The following ABR variants were observed in gnomAD, a reference collection of about 807,000 sequenced individuals.
The protein encoded by ABR is ABR activator of RhoGEF and GTPase, also known as active breakpoint cluster region-related protein.
Under a neutral mutation model 107.2 loss-of-function variants are expected in ABR, and 35 were observed. The observed-to-expected ratio is 0.33, with a 90% confidence interval of 0.25 to 0.43. The LOEUF is 0.43. ABR is among the 20% of genes least tolerant of loss of function. The pLI is 1.00. For missense variants in ABR, 815 were observed against 1,115.2 expected (o/e 0.73, Z 3.83); for synonymous variants, 498 against 462.0 (o/e 1.08, Z -1.00).
intron 16 of ABR, among the ~76,000 whole-genome samples, chr17:1,020,373 G>A (rs1284885099): frequency 6.6e-6 from 1 of 152,120 alleles, no homozygotes; most frequent in South Asian, 2.1e-4. Flanking sequence ...GTGAGCCCCT[G>A]CATCCGGCCG....
At chr17:1,026,055 A>G (rs780430873) in intron 16 of ABR, among the ~76,000 whole-genome samples, 4 of 152,226 alleles carry the variant, frequency 2.6e-5, no homozygotes, top group Non-Finnish European at 4.4e-5. Context: ...GCCCTGTGAC[A>G]GACTCTCCCA....
chr17:1,131,175 TC>T (rs1452645038), intron 1 of ABR, among the ~76,000 whole-genome samples: 8 of 91,102 alleles, frequency 8.8e-5, no homozygotes, highest in Non-Finnish European at 1.7e-4. Context: ...CGCGCACAGC[TC>T]CCCCCTTTGC....
chr17:1,030,598 G>A (rs932409701), intron 16 of ABR, among the ~76,000 whole-genome samples: 1 of 152,214 alleles, frequency 6.6e-6, no homozygotes, highest in African/African-American at 2.4e-5. Flanking sequence ...CCTCTGGGAG[G>A]TCAAGTATGC....
chr17:1,057,885 T>C (rs2151077327), intron 12 of ABR, 85 bp downstream of exon 12: 1 of 1,256,168 alleles, frequency 8.0e-7, no homozygotes, highest in Non-Finnish European at 1.2e-6. Flanking sequence ...AAAGACGTGA[T>C]ACTGGACATG....
At chr17:1,197,727 G>A (rs1017616922) in intron 1 of ABR, among the ~76,000 whole-genome samples, 5 of 151,504 alleles carry the variant, frequency 3.3e-5, no homozygotes, top group Non-Finnish European at 5.9e-5. Flanking sequence ...CTGAGTCTTG[G>A]GGAGTGGCTC....
chr17:1,158,127 G>A (rs1457959896), intron 1 of ABR, among the ~76,000 whole-genome samples: 3 of 152,108 alleles, frequency 2.0e-5, no homozygotes, highest in Non-Finnish European at 4.4e-5. Context: ...AGCTTTGACG[G>A]TGCACAGTTT....
chr17:1,067,167 C>A lies in ABR; in HGVS notation c.1092G>T (p.Glu364Asp). 6.2e-7 allele frequency: 1 copy of A among 1,613,758 alleles called. No individual in the cohort carries two copies. The highest frequency in any genetic ancestry group is 1.3e-5 in the African/African-American group (1 of 75,000). ...DLVFPSPEES[E>D]ASPQVHPFPD... is the part of the protein sequence containing the mutation. ...GGAAGGGGTGCACCTGGGGGCTGGC[C>A]TCAGACTCCTCGGGGGATGGAAACA... is the stretch of plus-strand genomic sequence containing the variant. Residue 364 changes from glutamate to aspartate, a missense_variant, in exon 10 of 23, where the codon GAG becomes GAT. Transcript: ENST00000302538.
intron 2 of ABR, among the ~76,000 whole-genome samples, chr17:1,116,905 G>GAA (rs1339843064): frequency 6.6e-6 from 1 of 152,170 alleles, no homozygotes; most frequent in Non-Finnish European, 1.5e-5. Flanking sequence ...GGCGGAGGCT[G>GAA]AAACTCGAGG....
intron 1 of ABR, among the ~76,000 whole-genome samples, chr17:1,133,238 G>A (rs972475315): frequency 6.9e-5 from 9 of 130,784 alleles, no homozygotes; most frequent in South Asian, 2.6e-4. Flanking sequence ...GCAAAACTCC[G>A]TCTCGAAAAA....
intron 1 of ABR, among the ~76,000 whole-genome samples, chr17:1,174,242 C>T (rs978091255): frequency 2.6e-4 from 39 of 152,208 alleles, no homozygotes; most frequent in African/African-American, 9.4e-4. Context: ...ATTCTTCTGC[C>T]AGCCCCACCT....
intron 16 of ABR, among the ~76,000 whole-genome samples, chr17:1,015,315 A>G (rs1034723876): frequency 6.7e-6 from 1 of 150,200 alleles, no homozygotes; most frequent in Non-Finnish European, 1.5e-5. Context: ...ACTACTTGGG[A>G]GGCTGAGATG....
Position 1,010,634 on chromosome 17 carries a change from A to G in ABR, c.2236+95T>C, listed in dbSNP as rs188010561. On this transcript the variant is annotated intron_variant, in intron 20 of 22. Coordinates refer to ENST00000302538, the MANE Select transcript of ABR (RefSeq NM_021962.5). This position sits in a 1 kb window ranked among gnomAD's most constrained non-coding sequence, Gnocchi z 4.1. ...CACTGGGAAGGTCAGCCAGCAAAGG[A>G]AGCCACAGATATTTCTCCTGCTGGT... is the stretch of plus-strand genomic sequence containing the variant. 119 of 1,526,952 alleles carry G rather than the reference A, an allele frequency of 7.8e-5. No homozygotes were observed. The African/African-American group carries it at 1.4e-3, about 18-fold the overall frequency. 94.6% of individuals were successfully genotyped at this position (1,526,952 alleles called of 1,614,324 possible).
At chr17:1,057,711 G>A in intron 12 of ABR, 1 of 456,462 alleles carries the variant, frequency 2.2e-6, no homozygotes, top group Non-Finnish European at 4.1e-6. Context: ...GTGAGAGAGA[G>A]AGAGAGGTAG....
intron 21 of ABR, 34 bp from the exon 22 acceptor site, chr17:1,007,346 T>C (rs1179128863): frequency 6.2e-7 from 1 of 1,611,794 alleles, no homozygotes; most frequent in South Asian, 1.1e-5. Flanking sequence ...AAAGAAGCCC[T>C]TCCTCAGCAG....
intron 2 of ABR, among the ~76,000 whole-genome samples, chr17:1,123,502 C>A (rs1391302362): frequency 6.6e-6 from 1 of 152,156 alleles, no homozygotes; most frequent in Non-Finnish European, 1.5e-5. Flanking sequence ...CCTGCCAGCA[C>A]CAAAGGAATC....
At chr17:1,175,901 C>T (rs1002867392) in intron 1 of ABR, among the ~76,000 whole-genome samples, 48 of 152,090 alleles carry the variant, frequency 3.2e-4, no homozygotes, top group African/African-American at 1.2e-3. Context: ...ACCATCCTGG[C>T]CAACACGGTG....
chr17:1,083,569 G>A lies in ABR; in HGVS notation c.590C>T (p.Thr197Ile). 1 of 1,613,154 alleles carries A rather than the reference G, an allele frequency of 6.2e-7. No individual in the cohort carries two copies. Among genetic ancestry groups the A allele is most frequent in the Non-Finnish European group, 8.5e-7 (1 of 1,179,488 alleles). The change falls in exon 5 of 23, where the codon ACA becomes ATA. Residue 197 changes from threonine to isoleucine, a missense_variant. This residue lies in a region of ABR where 385 missense variants were observed against 596.9 expected (regional missense o/e 0.64). Coordinates refer to ENST00000302538, the MANE Select transcript of ABR (RefSeq NM_021962.5). ...FVDNYKVALE[T>I]AEKCSQSNNQ... is the part of the protein sequence containing the mutation. ...GTTGGACTGGCTGCACTTCTCAGCTGTCTCCAGAGCGACTTTATAGTTATC... is the reference window on the plus strand; with the variant it reads ...GTTGGACTGGCTGCACTTCTCAGCTATCTCCAGAGCGACTTTATAGTTATC...
chr17:1,070,215 T>A lies in ABR; in HGVS notation c.895-125A>T, dbSNP rs963120926. On this transcript the variant is annotated intron_variant, in intron 8 of 22. Coordinates refer to ENST00000302538, the MANE Select transcript of ABR (RefSeq NM_021962.5). The surrounding 1 kb of genome is among the most constrained non-coding windows in gnomAD (Gnocchi z 4.2). ...AGAGGCGGCATAGCCTGTCATCCCT[T>A]AACCAAAGGTGGTTCAAGCACTGCC... The A allele has an allele frequency of 7.7e-7, 1 of 1,306,858 alleles. No individual in the cohort carries two copies. Among genetic ancestry groups the A allele is most frequent in the African/African-American group, 1.5e-5 (1 of 68,364 alleles). 81.0% of individuals were successfully genotyped at this position (1,306,858 alleles called of 1,614,324 possible).
At chr17:1,205,786 T>C (rs908690496) in intron 1 of ABR, among the ~76,000 whole-genome samples, 3 of 152,070 alleles carry the variant, frequency 2.0e-5, no homozygotes, top group African/African-American at 7.2e-5. Context: ...CTGCTAAAAA[T>C]AGAAAAATTA....
Sources: gnomAD v4.1 joint callset for allele counts (sites outside exome capture counted in the v4.1 genomes callset) on GRCh38, gnomAD v4.1.1 for gene constraint, gnomAD v4.1.1 regional missense constraint, Gnocchi (gnomAD v3.1) non-coding constraint, MANE v1.5 for transcripts, NCBI Gene and HGNC (gene_info 2026-07-23, HGNC 2026-07-21) for gene names.